Variants in ZNF708 observed in about 807,000 individuals in gnomAD.
ZNF708 encodes the protein ZNF15, ZNF15L1.
Under a neutral mutation model 47.0 loss-of-function variants are expected in ZNF708, and 44 were observed. The ratio of observed to expected loss-of-function variants is 0.94; its 90% CI spans 0.74 to 1.20. The LOEUF (loss-of-function observed/expected upper bound fraction) is 1.20, where lower values mean the gene tolerates loss of function less well. ZNF708 is among the 50% of genes most tolerant of loss of function. The probability of loss-of-function intolerance (pLI) is 0.00; values close to 1 mark genes in which losing one functional copy is unlikely to be tolerated. For synonymous variants in ZNF708, 184 were observed against 218.5 expected, an observed-to-expected ratio of 0.84 and a Z score of 1.39; for missense variants, 557 against 656.0, an observed-to-expected ratio of 0.85 and a Z score of 1.65.
rs975775364 is a variant in ZNF708, at chr19:21,293,102, A to G, written c.*172T>C. The G allele has an allele frequency of 5.4e-6, 5 of 930,500 alleles. No individual in the cohort carries two copies. Among genetic ancestry groups the G allele is most frequent in the African/African-American group, 5.0e-5 (3 of 60,162 alleles). 57.6% of individuals were successfully genotyped at this position (930,500 alleles called of 1,614,324 possible). A position where few individuals can be genotyped will look rare whatever the true frequency, so the allele number is the denominator to read the frequency against. On this transcript the variant is annotated 3_prime_UTR_variant, in exon 4 of 4. Transcript: ENST00000356929. ...TTAGGGACCAGTTAAATGCTTTGCCACATTCTTTACATTTGTAGGGTTTCT... is the reference window on the plus strand; with the variant it reads ...TTAGGGACCAGTTAAATGCTTTGCCGCATTCTTTACATTTGTAGGGTTTCT...
At chr19:21,318,994 A>G (rs1973072343) in intron 1 of ZNF708, among the ~76,000 whole-genome samples, 1 of 152,186 alleles carries the variant, frequency 6.6e-6, no homozygotes, top group Admixed American at 6.5e-5. Flanking sequence ...AATATAAATA[A>G]TTTTAATGTA....
intron 1 of ZNF708, among the ~76,000 whole-genome samples, chr19:21,316,100 C>A (rs1390400394): frequency 2.0e-5 from 3 of 147,414 alleles, no homozygotes; most frequent in African/African-American, 4.9e-5. Context: ...ATAGGAAATG[C>A]AAATCCTTTT....
intron 1 of ZNF708, chr19:21,328,153 C>T (rs937774980): frequency 1.3e-5 from 3 of 222,854 alleles, no homozygotes; most frequent in African/African-American, 2.4e-5. Context: ...TGAAAACAAA[C>T]ATTCTGATAA....
intron 1 of ZNF708, among the ~76,000 whole-genome samples, chr19:21,311,094 C>A (rs527734024): frequency 1.2e-3 from 185 of 152,110 alleles, no homozygotes; most frequent in South Asian, 8.5e-3. Context: ...ACAAGCTCAC[C>A]AATAATTCCA....
intron 1 of ZNF708, among the ~76,000 whole-genome samples, chr19:21,324,641 A>G (rs1232692123): frequency 2.6e-5 from 4 of 152,196 alleles, no homozygotes; most frequent in African/African-American, 9.7e-5. Flanking sequence ...TAGGGTGCTT[A>G]TATTTCATAT....
chr19:21,324,405 T>A (rs1407954058), intron 1 of ZNF708, among the ~76,000 whole-genome samples: 3 of 151,978 alleles, frequency 2.0e-5, no homozygotes, highest in Non-Finnish European at 4.4e-5. Flanking sequence ...CCGTCTCTAC[T>A]AAAAATACAA....
At chr19:21,316,281 C>T (rs892810918) in intron 1 of ZNF708, among the ~76,000 whole-genome samples, 12 of 151,650 alleles carry the variant, frequency 7.9e-5, no homozygotes, top group African/African-American at 2.9e-4. Flanking sequence ...TGCGCCACCA[C>T]GCCTGGCTAA....
chr19:21,306,601 C>A (rs1023393202), intron 3 of ZNF708, among the ~76,000 whole-genome samples: 1 of 152,036 alleles, frequency 6.6e-6, no homozygotes, highest in African/African-American at 2.4e-5. Context: ...GAAAATAAAA[C>A]CCCTGTTGAT....
At chr19:21,304,253 G>A (rs1265293826) in intron 3 of ZNF708, among the ~76,000 whole-genome samples, 5 of 150,832 alleles carry the variant, frequency 3.3e-5, no homozygotes, top group Non-Finnish European at 7.4e-5. Context: ...AGGTGAAGAA[G>A]CCAGGTTTTT....
chr19:21,318,607 T>A (rs1185160093), intron 1 of ZNF708: 1 of 152,202 alleles, frequency 6.6e-6, no homozygotes, highest in Non-Finnish European at 1.5e-5. Context: ...AAAAAGCATA[T>A]TCTCAGCAGA....
At position 21,294,845 on chromosome 19, in the gene ZNF708, T is replaced by C. The variant is rs1371267084; in HGVS notation, c.227-106A>G. 4 of 1,076,808 alleles carry C rather than the reference T, an allele frequency of 3.7e-6. No individual in the cohort carries two copies. The Admixed American group carries it at 9.0e-5, about 24-fold the overall frequency. The allele number at this position is 1,076,808 out of a possible 1,614,324, so 66.7% of individuals were successfully genotyped here. ...TAAACAAGATGACATAGCAAAATACTACAGATCCTAAATCCTTTATAGACA... is the reference window on the plus strand; with the variant it reads ...TAAACAAGATGACATAGCAAAATACCACAGATCCTAAATCCTTTATAGACA... On this transcript the variant is annotated intron_variant, in intron 3 of 3. Coordinates refer to ENST00000356929, the MANE Select transcript of ZNF708 (RefSeq NM_021269.3).
Position 21,321,418 on chromosome 19 carries a change from T to C in ZNF708, c.3+7792A>G, listed in dbSNP as rs192486340. Among the ~76,000 whole-genome samples the C allele has an allele frequency of 1.1e-3, 161 of 152,012 alleles. 2 individuals carry two copies. Among genetic ancestry groups the C allele is most frequent in the Middle Eastern group, 3.4e-3 (1 of 294 alleles). On this transcript the variant is annotated intron_variant, in intron 1 of 3. Transcript: ENST00000356929. ...GTCTGGCCAACATGGTGAAACCCCATCTCAACTAAAAATACAGAAATTAGC... is the reference window on the plus strand; with the variant it reads ...GTCTGGCCAACATGGTGAAACCCCACCTCAACTAAAAATACAGAAATTAGC...
chr19:21,314,887 G>A lies in ZNF708; in HGVS notation c.4-4260C>T, dbSNP rs548336449. Among the ~76,000 whole-genome samples, 4 of 152,256 alleles carry A rather than the reference G, an allele frequency of 2.6e-5. No individual in the cohort carries two copies. The South Asian group carries it at 6.2e-4, about 24-fold the overall frequency. On this transcript the variant is annotated intron_variant, in intron 1 of 3. Coordinates refer to ENST00000356929, the MANE Select transcript of ZNF708 (RefSeq NM_021269.3). ...CCTCAAATGTCTCAAAAATGCCTAC[G>A]TAATTGTGAGAGGGTTCCCAGTGAC...
At chr19:21,310,075 A>G (rs894253977) in intron 2 of ZNF708, among the ~76,000 whole-genome samples, 2 of 152,208 alleles carry the variant, frequency 1.3e-5, no homozygotes, top group Admixed American at 6.5e-5. Flanking sequence ...CATTTATGTA[A>G]GCATAAATTG....
intron 3 of ZNF708, among the ~76,000 whole-genome samples, chr19:21,300,321 A>T (rs573465040): frequency 6.6e-6 from 1 of 152,202 alleles, no homozygotes; most frequent in South Asian, 2.1e-4. Flanking sequence ...ACCAGCCTCA[A>T]CATGGAGAAA....
intron 3 of ZNF708, among the ~76,000 whole-genome samples, chr19:21,308,135 G>A (rs1338838489): frequency 6.6e-6 from 1 of 151,802 alleles, no homozygotes; most frequent in African/African-American, 2.4e-5. Flanking sequence ...TAATATCTAT[G>A]GATTTAAAGA....
At chr19:21,309,103 G>A (rs1203666917) in intron 3 of ZNF708, 143 bp downstream of exon 3, 24 of 649,880 alleles carry the variant, frequency 3.7e-5, no homozygotes, top group Non-Finnish European at 5.4e-5. Flanking sequence ...GACAGAAGAC[G>A]CCCCTATATT....
In ZNF708 at chr19:21,294,271, G is replaced by A. The variant is rs775341886; in HGVS notation, c.695C>T (p.Ala232Val). 2 of 1,612,800 alleles carry A rather than the reference G, an allele frequency of 1.2e-6. No homozygotes were observed. Among genetic ancestry groups the A allele is most frequent in the Admixed American group, 1.7e-5 (1 of 59,998 alleles). The change falls in exon 4 of 4, where the codon GCT becomes GTT. Residue 232 changes from alanine to valine, a missense_variant. Coordinates refer to ENST00000356929, the MANE Select transcript of ZNF708 (RefSeq NM_021269.3). ...KPYKCEECGK[A>V]FNQSSTLTRH... ...AGTAAGAGTTGAGGACTGGTTAAAA[G>A]CTTTTCCACATTCTTCACATTTGTA...
At position 21,297,270 on chromosome 19, in the gene ZNF708, A is replaced by AT. The variant is rs1157234305; in HGVS notation, c.227-2532dup. On this transcript the variant is annotated intron_variant, in intron 3 of 3. Coordinates refer to ENST00000356929, the MANE Select transcript of ZNF708 (RefSeq NM_021269.3). ...TATATATATATATATATATATATAT[A>AT]TTTTTTTTTTTTTTTTTTTTTTTTT... 1.9e-3 allele frequency among the ~76,000 whole-genome samples: 87 copies of AT among 46,688 alleles called. 17 individuals carry two copies. Among genetic ancestry groups the AT allele is most frequent in the Admixed American group, 1.0e-2 (27 of 2,710 alleles). 30.6% of individuals were successfully genotyped at this position (46,688 alleles called of 152,430 possible). A position where few individuals can be genotyped will look rare whatever the true frequency, so the allele number is the denominator to read the frequency against.
Sources: gnomAD v4.1 joint callset for allele counts (sites outside exome capture counted in the v4.1 genomes callset) on GRCh38, gnomAD v4.1.1 for gene constraint, MANE v1.5 for transcripts, NCBI Gene and HGNC (gene_info 2026-07-23, HGNC 2026-07-21) for gene names.